The following KNTC1 variants were observed in gnomAD, a reference collection of about 807,000 sequenced individuals.
The protein encoded by KNTC1 is kinetochore-associated protein 1.
KNTC1 carries 253 observed loss-of-function variants against 314.4 expected under a neutral mutation model. The ratio of observed to expected loss-of-function variants is 0.80; its 90% confidence interval spans 0.73 to 0.89. The LOEUF (loss-of-function observed/expected upper bound fraction) is 0.89, where lower values mean the gene tolerates loss of function less well. Ranked by LOEUF, KNTC1 falls within the 40% of genes least tolerant of loss-of-function variation. The pLI is 0.00. For missense variants in KNTC1, 2,475 were observed against 2,572.9 expected, an observed-to-expected ratio of 0.96 and a Z score of 0.82; for synonymous variants, 901 against 901.4, an observed-to-expected ratio of 1.00 and a Z score of 0.01.
chr12:122,617,413 A>T (rs752459653), intron 57 of KNTC1: 4 of 450,296 alleles, frequency 8.9e-6, no homozygotes, highest in Non-Finnish European at 1.8e-5. Flanking sequence ...ATAGAGATGG[A>T]GGTCTTGCTA....
At chr12:122,618,127 A>G (rs569359401) in intron 57 of KNTC1, among the ~76,000 whole-genome samples, 20 of 152,252 alleles carry the variant, frequency 1.3e-4, no homozygotes, top group African/African-American at 4.3e-4. Context: ...ATGCACCACC[A>G]TGCCTGGCTA....
intron 31 of KNTC1, among the ~76,000 whole-genome samples, chr12:122,579,600 A>G (rs1965266106): frequency 6.6e-6 from 1 of 152,016 alleles, no homozygotes; most frequent in Non-Finnish European, 1.5e-5. Context: ...TAACTTTTCC[A>G]AATGTTTTTT....
intron 20 of KNTC1, 74 bp from the exon 21 acceptor site, chr12:122,568,187 A>C: frequency 1.4e-6 from 1 of 730,264 alleles, no homozygotes; most frequent in Non-Finnish European, 2.4e-6. Context: ...AAATGCATTT[A>C]AAGATAATCC....
chr12:122,593,357 A>G lies in KNTC1; in HGVS notation c.4246-919A>G, dbSNP rs138813846. ...CGGCTCACTGCAACATCCGCCTCCC[A>G]GGCTCAGGCAATTCCCCTGCCTCAG... On this transcript the variant is annotated intron_variant, in intron 42 of 63. Transcript: ENST00000333479. The G allele has an allele frequency of 8.8e-3, 1,261 of 143,516 alleles. 16 individuals carry two copies. The highest frequency in any genetic ancestry group is 0.032 in the African/African-American group (1,220 of 37,900). The allele number at this position is 143,516 out of a possible 1,614,324, so 8.9% of individuals were successfully genotyped here.
chr12:122,618,122 C>T (rs1873966734), intron 57 of KNTC1, among the ~76,000 whole-genome samples: 1 of 152,166 alleles, frequency 6.6e-6, no homozygotes, highest in Admixed American at 6.5e-5. Flanking sequence ...CAAGCATGCA[C>T]CACCATGCCT....
At chr12:122,604,525 C>A in intron 48 of KNTC1, 39 bp from the exon 49 acceptor site, 2 of 1,126,890 alleles carry the variant, frequency 1.8e-6, no homozygotes, top group Non-Finnish European at 2.5e-6. Flanking sequence ...TAAGATTTGC[C>A]TGTAAATCTT....
intron 19 of KNTC1, 115 bp downstream of exon 19, chr12:122,562,089 T>G: frequency 1.0e-6 from 1 of 998,084 alleles, no homozygotes; most frequent in East Asian, 2.5e-5. Flanking sequence ...TACCTTACTT[T>G]TCTTATCTGC....
intron 16 of KNTC1, among the ~76,000 whole-genome samples, chr12:122,556,379 C>G (rs944300665): frequency 2.0e-5 from 3 of 151,896 alleles, no homozygotes; most frequent in African/African-American, 7.3e-5. Context: ...CTCTGAAACT[C>G]ATTCCTCCTT....
At chr12:122,591,231 C>A in intron 41 of KNTC1, 106 bp from the exon 42 acceptor site, 1 of 736,368 alleles carries the variant, frequency 1.4e-6, no homozygotes, top group Non-Finnish European at 2.5e-6. Flanking sequence ...ACATTCTACA[C>A]GGTTGATCAC....
Position 122,589,903 on chromosome 12 carries a change from C to T in KNTC1, c.4000-704C>T, listed in dbSNP as rs2138037485. On this transcript the variant is annotated intron_variant, in intron 40 of 63. Coordinates refer to ENST00000333479, the MANE Select transcript of KNTC1 (RefSeq NM_014708.6). ...GGTTCACGCCATTCTCCTGCCTCAG[C>T]CTCCTGAGTAGGTGGGACTACAGGT... Among the ~76,000 whole-genome samples the T allele has an allele frequency of 1.3e-5, 2 of 151,206 alleles. 1 individual carries two copies. The highest frequency in any genetic ancestry group is 4.2e-4 in the South Asian group (2 of 4,772).
intron 42 of KNTC1, among the ~76,000 whole-genome samples, chr12:122,592,199 C>G (rs1218404810): frequency 6.6e-6 from 1 of 152,230 alleles, no homozygotes; most frequent in African/African-American, 2.4e-5. Context: ...ACTGGGTCCC[C>G]CAGCAGTACC....
rs1484063774 is a variant in KNTC1 at position 122,561,907 on chromosome 12, T to C, written c.1489-14T>C. On this transcript the variant is annotated splice_polypyrimidine_tract_variant and intron_variant, in intron 18 of 63. Transcript: ENST00000333479. The stretch of plus-strand genomic sequence containing the variant: ...GATATTCTTCTAACTGTATTTCTTA[T>C]TATTCTTACTTAGCTTTTGAAGAAA... 3.2e-6 allele frequency: 5 copies of C among 1,549,228 alleles called. No individual in the cohort carries two copies. Among genetic ancestry groups the C allele is most frequent in the Non-Finnish European group, 4.4e-6 (5 of 1,127,922 alleles).
intron 63 of KNTC1, among the ~76,000 whole-genome samples, 153 bp from the exon 64 acceptor site, chr12:122,626,052 G>A (rs548856119): frequency 7.0e-4 from 106 of 152,094 alleles, no homozygotes; most frequent in Admixed American, 2.6e-3. Context: ...AATTTGTGGC[G>A]TTTAAAATCT....
At chr12:122,557,872 A>G (rs1248392261) in intron 18 of KNTC1, among the ~76,000 whole-genome samples, 183 bp downstream of exon 18, 1 of 152,228 alleles carries the variant, frequency 6.6e-6, no homozygotes, top group African/African-American at 2.4e-5. Context: ...TTTAAAGTAT[A>G]CAGTTCAGTG....
intron 16 of KNTC1, among the ~76,000 whole-genome samples, chr12:122,554,273 G>C (rs1963427774): frequency 6.6e-6 from 1 of 151,056 alleles, no homozygotes; most frequent in African/African-American, 2.4e-5. Context: ...GTAAACACAG[G>C]GTCTTGCTAT....
At chr12:122,606,596 T>C (rs1217144719) in intron 51 of KNTC1, among the ~76,000 whole-genome samples, 2 of 152,196 alleles carry the variant, frequency 1.3e-5, no homozygotes, top group African/African-American at 4.8e-5. Flanking sequence ...TGCTGTCTTG[T>C]ATGAAAGAAA....
intron 2 of KNTC1, among the ~76,000 whole-genome samples, chr12:122,532,432 C>T (rs976334051): frequency 1.3e-5 from 2 of 151,910 alleles, no homozygotes; most frequent in Admixed American, 1.3e-4. Flanking sequence ...TGGTCTCGAT[C>T]TCTTGACCTT....
intron 1 of KNTC1, among the ~76,000 whole-genome samples, chr12:122,528,024 GT>G (rs1423913227): frequency 7.2e-5 from 11 of 152,244 alleles, no homozygotes; most frequent in Non-Finnish European, 1.2e-4. Flanking sequence ...ATTTTTGTCC[GT>G]TTTTCCCGCA....
At chr12:122,592,586 CA>C (rs1358238279) in intron 42 of KNTC1, among the ~76,000 whole-genome samples, 2 of 150,178 alleles carry the variant, frequency 1.3e-5, no homozygotes, top group Non-Finnish European at 3.0e-5. Context: ...GTGAATGCAC[CA>C]ATCTACACTC....
Sources: allele counts gnomAD v4.1 joint callset (sites outside exome capture counted in the v4.1 genomes callset), GRCh38; gene constraint gnomAD v4.1.1; transcripts MANE v1.5; gene names NCBI Gene and HGNC (gene_info 2026-07-23, HGNC 2026-07-21).